Variants in POF1B observed in about 807,000 individuals in gnomAD.
POF1B encodes POF1B actin binding protein.
Under a neutral mutation model 55.3 loss-of-function variants are expected in POF1B, and 53 were observed. The observed-to-expected ratio is 0.96, with a 90% confidence interval of 0.77 to 1.20. POF1B has a LOEUF of 1.20. Among genes scored for constraint, POF1B ranks in the 50% most tolerant of loss-of-function variants. The probability of loss-of-function intolerance (pLI) is 0.00; values close to 1 mark genes in which losing one functional copy is unlikely to be tolerated. For missense variants in POF1B, 478 were observed against 420.5 expected (o/e 1.14, Z -1.20); for synonymous variants, 188 against 148.3 (o/e 1.27, Z -1.95).
intron 1 of POF1B, 38 bp downstream of exon 1, chrX:85,379,601 C>G: frequency 5.0e-6 from 3 of 594,164 alleles, no homozygotes; most frequent in Non-Finnish European, 7.7e-6. Flanking sequence ...TTATCAAAAC[C>G]TCTGCCAATA....
At chrX:85,283,637 G>A (rs754715892) in intron 15 of POF1B, among the ~76,000 whole-genome samples, 2 of 109,841 alleles carry the variant, frequency 1.8e-5, no homozygotes, top group African/African-American at 6.6e-5. Context: ...AAAAATAATT[G>A]ACATAATGAC....
At chrX:85,340,350 G>T (rs961514856) in intron 6 of POF1B, among the ~76,000 whole-genome samples, 2 of 111,003 alleles carry the variant, frequency 1.8e-5, no homozygotes, top group African/African-American at 6.5e-5. Context: ...CTTCTAGCAA[G>T]ATCATTGCTG....
At chrX:85,326,271 A>C (rs962081390) in intron 7 of POF1B, among the ~76,000 whole-genome samples, 7 of 109,799 alleles carry the variant, frequency 6.4e-5, no homozygotes, top group Admixed American at 9.5e-5. Context: ...CGGTGGCAGC[A>C]TGGTGGTGGC....
In POF1B at chrX:85,367,440, T is replaced by G. The variant is rs138547360; in HGVS notation, c.357+252A>C. Among the ~76,000 whole-genome samples the G allele has an allele frequency of 1.7e-3, 195 of 112,146 alleles. 4 individuals carry two copies. The East Asian group carries it at 0.051, about 29-fold the overall frequency. On this transcript the variant is annotated intron_variant, in intron 3 of 16. Transcript: ENST00000262753. ...CCATACTCACTTGGCTAAATTAAACTGCACTCAAACTAAAAGCAGTCAGAT... is the reference window on the plus strand; with the variant it reads ...CCATACTCACTTGGCTAAATTAAACGGCACTCAAACTAAAAGCAGTCAGAT...
intron 7 of POF1B, among the ~76,000 whole-genome samples, chrX:85,322,658 A>G (rs1170256327): frequency 9.0e-6 from 1 of 111,408 alleles, no homozygotes; most frequent in Non-Finnish European, 1.9e-5. Flanking sequence ...TGAACAGGCA[A>G]CCTACAGAAT....
intron 2 of POF1B, among the ~76,000 whole-genome samples, chrX:85,374,787 G>T (rs771750670): frequency 8.9e-6 from 1 of 112,358 alleles, no homozygotes; most frequent in South Asian, 3.7e-4. Flanking sequence ...TAGTATGGGA[G>T]ATGTTTTTGT....
rs773586973 is a variant in POF1B, at chrX:85,340,224, T to C, written c.723+5636A>G. Among the ~76,000 whole-genome samples the C allele has an allele frequency of 1.6e-4, 18 of 111,098 alleles. No homozygotes were observed. In the East Asian group the frequency reaches 4.9e-3, roughly 30 times the overall value. On this transcript the variant is annotated intron_variant, in intron 6 of 16. Transcript: ENST00000262753. ...GACAATCTGTACTAGACTAAATTGG[T>C]TTAGTCTGAAGACTCTCTAGTATAC...
chrX:85,378,368 G>A (rs180748297), intron 2 of POF1B, among the ~76,000 whole-genome samples: 1 of 111,542 alleles, frequency 9.0e-6, no homozygotes, highest in African/African-American at 3.3e-5. Flanking sequence ...AGGAGTCAGA[G>A]GATAAAATAC....
intron 15 of POF1B, among the ~76,000 whole-genome samples, chrX:85,283,264 G>A (rs1355724865): frequency 9.0e-6 from 1 of 110,943 alleles, no homozygotes; most frequent in East Asian, 2.8e-4. Context: ...TAAATTAGTA[G>A]AAACAGACCA....
chrX:85,333,562 A>G (rs1933014950), intron 6 of POF1B, among the ~76,000 whole-genome samples: 1 of 111,004 alleles, frequency 9.0e-6, no homozygotes, highest in Non-Finnish European at 1.9e-5. Context: ...GAATTTTTTT[A>G]CAGGTTTCTC....
chrX:85,307,392 C>A, intron 10 of POF1B, 116 bp from the exon 11 acceptor site: 1 of 426,861 alleles, frequency 2.3e-6, no homozygotes. Flanking sequence ...TTTGTACTTG[C>A]TTAATAAAGC....
intron 7 of POF1B, among the ~76,000 whole-genome samples, chrX:85,320,270 A>T (rs947112640): frequency 9.0e-6 from 1 of 110,902 alleles, no homozygotes; most frequent in African/African-American, 3.3e-5. Context: ...TCAAACTAGA[A>T]CTCAGGATTA....
At chrX:85,360,189 A>T (rs1933579496) in intron 3 of POF1B, among the ~76,000 whole-genome samples, 1 of 107,975 alleles carries the variant, frequency 9.3e-6, no homozygotes, top group African/African-American at 3.4e-5. Flanking sequence ...TCAGGAGAAC[A>T]TATGCAGGTT....
chrX:85,281,502 A>G (rs1478766412), intron 16 of POF1B, among the ~76,000 whole-genome samples: 1 of 110,119 alleles, frequency 9.1e-6, no homozygotes, highest in African/African-American at 3.3e-5. Flanking sequence ...AGAAGGTTTC[A>G]ATAATCAGTC....
chrX:85,314,564 A>G, intron 8 of POF1B, 58 bp from the exon 9 acceptor site: 1 of 885,400 alleles, frequency 1.1e-6, no homozygotes, highest in South Asian at 2.9e-5. Context: ...AAGATCAGCA[A>G]TCCACAGACT....
At chrX:85,367,838 T>C in intron 2 of POF1B, 72 bp from the exon 3 acceptor site, 2 of 669,363 alleles carry the variant, frequency 3.0e-6, no homozygotes, top group Admixed American at 7.1e-5. Flanking sequence ...TTTTTCTTTA[T>C]TTTTATAATA....
chrX:85,379,523 GA>G, intron 1 of POF1B, 28 bp from the exon 2 acceptor site: 8 of 1,097,854 alleles, frequency 7.3e-6, no homozygotes, highest in Admixed American at 5.4e-5. Context: ...AAATATAATG[GA>G]AAAAAAAGAC....
chrX:85,300,370 C>A (rs1283462531), intron 15 of POF1B, among the ~76,000 whole-genome samples: 2 of 111,971 alleles, frequency 1.8e-5, no homozygotes, highest in Non-Finnish European at 3.8e-5. Flanking sequence ...GACAAAGAGC[C>A]TCTCAGTGAA....
chrX:85,337,484 G>C (rs766110905), intron 6 of POF1B, among the ~76,000 whole-genome samples: 1 of 111,448 alleles, frequency 9.0e-6, no homozygotes, highest in Non-Finnish European at 1.9e-5. Flanking sequence ...TTTTTTGTAT[G>C]TAGCTAGTTG....
Sources: allele counts gnomAD v4.1 joint callset (sites outside exome capture counted in the v4.1 genomes callset), GRCh38; gene constraint gnomAD v4.1.1; transcripts MANE v1.5; gene names NCBI Gene and HGNC (gene_info 2026-07-23, HGNC 2026-07-21).